The following JAG2 variants were observed in gnomAD, a reference collection of about 807,000 sequenced individuals.
The protein encoded by JAG2 is jagged canonical Notch ligand 2.
Under a neutral mutation model 141.7 loss-of-function variants are expected in JAG2, and 46 were observed. The observed-to-expected ratio is 0.32, with a 90% CI of 0.26 to 0.42. JAG2 has a LOEUF of 0.42. Ranked by LOEUF, JAG2 falls within the 10% of genes least tolerant of loss-of-function variation. The probability of loss-of-function intolerance (pLI) is 1.00; values close to 1 mark genes in which losing one functional copy is unlikely to be tolerated. For missense variants in JAG2, 1,500 were observed against 1,817.5 expected, an observed-to-expected ratio of 0.83 and a Z score of 3.18; for synonymous variants, 862 against 763.5, an observed-to-expected ratio of 1.13 and a Z score of -2.13.
At chr14:105,150,824 C>A in intron 11 of JAG2, 41 bp downstream of exon 11, 1 of 1,572,748 alleles carries the variant, frequency 6.4e-7, no homozygotes, top group Non-Finnish European at 8.6e-7. Context: ...CCTGACGGCC[C>A]CGCAGCACCC....
intron 9 of JAG2, 30 bp downstream of exon 9, chr14:105,151,253 C>T (rs779454686): frequency 3.8e-5 from 61 of 1,593,164 alleles, no homozygotes; most frequent in South Asian, 1.0e-4. Context: ...GCGCGGCCCA[C>T]GTTCCCATGC....
chr14:105,161,099 C>T (rs587677015), intron 2 of JAG2, among the ~76,000 whole-genome samples: 4 of 136,706 alleles, frequency 2.9e-5, no homozygotes, highest in African/African-American at 1.1e-4. Context: ...GAGGTCTGTT[C>T]GGGTGTTGGG....
intron 2 of JAG2, among the ~76,000 whole-genome samples, chr14:105,161,153 G>T (rs587644290): frequency 5.6e-5 from 8 of 142,974 alleles, no homozygotes; most frequent in African/African-American, 1.5e-4. Flanking sequence ...GGTCTGTTGG[G>T]GGTCTGAGTG....
chr14:105,157,534 C>T (rs889462424), intron 3 of JAG2, among the ~76,000 whole-genome samples, 172 bp downstream of exon 3: 1 of 152,204 alleles, frequency 6.6e-6, no homozygotes, highest in African/African-American at 2.4e-5. Flanking sequence ...ATGCACAGCT[C>T]TGCAAGTCCC....
chr14:105,149,311 C>G lies in JAG2; in HGVS notation c.1612G>C (p.Asp538His), dbSNP rs9972231. 1.2e-5 allele frequency: 20 copies of G among 1,612,570 alleles called. No individual in the cohort carries two copies. The highest frequency in any genetic ancestry group is 1.4e-5 in the Non-Finnish European group (17 of 1,179,950). ...FSGPLCEVDV[D>H]LCEPSPCRNG... ...CGGCAGGGGCTTGGCTCACAAAGGT[C>G]GACATCCACCTGCAGGGTGGGGGGT... Residue 538 changes from aspartate to histidine, a missense_variant, in exon 13 of 26, where the codon GAC (aspartate) becomes CAC (histidine). By Grantham distance (81) the Asp-to-His change is moderately conservative (BLOSUM62 -1). Coordinates refer to ENST00000331782, the MANE Select transcript of JAG2 (RefSeq NM_002226.5).
chr14:105,158,664 A>G (rs1418314115), intron 2 of JAG2, among the ~76,000 whole-genome samples: 1 of 151,566 alleles, frequency 6.6e-6, no homozygotes, highest in Admixed American at 6.6e-5. Flanking sequence ...CACATTCCAC[A>G]GCCTCTCAGC....
At chr14:105,151,845 C>T in intron 7 of JAG2, 93 bp downstream of exon 7, 1 of 1,606,906 alleles carries the variant, frequency 6.2e-7, no homozygotes, top group Non-Finnish European at 8.5e-7. Flanking sequence ...CAGGGGCCCA[C>T]CACACAGGAC....
At chr14:105,161,138 AG>A (rs975019351) in intron 2 of JAG2, among the ~76,000 whole-genome samples, 2 of 108,638 alleles carry the variant, frequency 1.8e-5, no homozygotes, top group Admixed American at 1.2e-4. Context: ...TGGGGGTCTG[AG>A]TGAGGTCTGT....
In JAG2 at chr14:105,145,768, C is replaced by T. The variant is rs372934981; in HGVS notation, c.2915G>A (p.Arg972His). The T allele has an allele frequency of 2.2e-5, 35 of 1,588,934 alleles. No homozygotes were observed. Among genetic ancestry groups the T allele is most frequent in the African/African-American group, 4.0e-5 (3 of 74,246 alleles). The change falls in exon 23 of 26, where the codon CGC (arginine) becomes CAC (histidine). Residue 972 changes from arginine (R) to histidine (H), a missense_variant. By Grantham distance (29) the Arg-to-His change is conservative. This residue lies in a region of JAG2 where 425 missense variants were observed against 441.0 expected (regional missense o/e 0.96). Transcript: ENST00000331782. ...GTCACGGTTGAAATGCAAGGTGAGGCGGGCACAGTTATTGTCCAGGTGGCC... is the reference window on the plus strand; with the variant it reads ...GTCACGGTTGAAATGCAAGGTGAGGTGGGCACAGTTATTGTCCAGGTGGCC... Reference protein sequence around the residue: ...RSGHLDNNCARLTLHFNRDHV... With the variant: ...RSGHLDNNCAHLTLHFNRDHV...
chr14:105,152,469 C>T (rs1189537880), intron 5 of JAG2, among the ~76,000 whole-genome samples, 178 bp from the exon 6 acceptor site: 3 of 152,200 alleles, frequency 2.0e-5, no homozygotes, highest in East Asian at 1.9e-4. Flanking sequence ...CCCACTGTCA[C>T]GGGCATTCCC....
In JAG2 at chr14:105,154,180, C is replaced by T. The variant is rs1041241247; in HGVS notation, c.788+1382G>A. Among the ~76,000 whole-genome samples the T allele has an allele frequency of 3.9e-5, 6 of 152,194 alleles. No individual in the cohort carries two copies. Among genetic ancestry groups the T allele is most frequent in the Admixed American group, 6.5e-5 (1 of 15,284 alleles). Reference sequence around the variant, plus strand: ...CAGCTGGTTCCCAAACTCCCCGACTCCTCTCCAAAACGCCACGCTGTGTGA... The same window carrying T: ...CAGCTGGTTCCCAAACTCCCCGACTTCTCTCCAAAACGCCACGCTGTGTGA... On this transcript the variant is annotated intron_variant, in intron 5 of 25. Coordinates refer to ENST00000331782, the MANE Select transcript of JAG2 (RefSeq NM_002226.5). The surrounding 1 kb of genome is among the most constrained non-coding windows in gnomAD (Gnocchi z 4.4).
At chr14:105,148,623 C>A (rs930378693) in intron 15 of JAG2, 122 bp downstream of exon 15, 18 of 999,068 alleles carry the variant, frequency 1.8e-5, no homozygotes, top group Non-Finnish European at 2.5e-5. Context: ...GTGGCAGCAC[C>A]CCCTGGCCAG....
intron 13 of JAG2, 39 bp from the exon 14 acceptor site, chr14:105,149,128 T>TGG: frequency 1.1e-6 from 1 of 871,604 alleles, no homozygotes; most frequent in Non-Finnish European, 1.6e-6. Context: ...GGCCCGCCCC[T>TGG]GCCCCACCAC....
Position 105,152,139 on chromosome 14 carries a change from G to A in JAG2, c.919+22C>T, listed in dbSNP as rs371553658. 3.1e-6 allele frequency: 5 copies of A among 1,613,468 alleles called. No homozygotes were observed. In the African/African-American group the frequency reaches 6.7e-5, roughly 22 times the overall value. On this transcript the variant is annotated intron_variant, in intron 6 of 25. Transcript: ENST00000331782. ...CCACACTTCGATGGCAGAGCATTAGGCCTGCCGCCCCCTACCACTACCTTT... is the reference window on the plus strand; with the variant it reads ...CCACACTTCGATGGCAGAGCATTAGACCTGCCGCCCCCTACCACTACCTTT...
Position 105,147,872 on chromosome 14 carries a change from G to A in JAG2, c.2265C>T (p.Cys755=). The part of the protein sequence containing the change: ...STCAVAKNSS[C]LPNPCVNGGT... ...CACCATTCACACAGGGGTTGGGCAG[G>A]CAGCTGCTGTTCTTGGCTGTAAGGA... The change falls in exon 18 of 26, where the codon TGC becomes TGT. Residue 755 remains cysteine, a synonymous_variant. Transcript: ENST00000331782. 1 of 1,552,674 alleles carries A rather than the reference G, an allele frequency of 6.4e-7. No individual in the cohort carries two copies. Among genetic ancestry groups the A allele is most frequent in the Non-Finnish European group, 8.7e-7 (1 of 1,149,598 alleles).
At chr14:105,162,062 C>T (rs751967176) in intron 2 of JAG2, among the ~76,000 whole-genome samples, 5 of 152,114 alleles carry the variant, frequency 3.3e-5, no homozygotes, top group Non-Finnish European at 7.4e-5. Flanking sequence ...GTGGGCCTGG[C>T]GCTGGCAGGG....
chr14:105,166,964 G>C (rs1004822341), intron 2 of JAG2, among the ~76,000 whole-genome samples: 1 of 152,158 alleles, frequency 6.6e-6, no homozygotes, highest in African/African-American at 2.4e-5. Context: ...GCCTGGGCCT[G>C]CCCACCTACC....
intron 15 of JAG2, 112 bp downstream of exon 15, chr14:105,148,633 G>A: frequency 9.4e-7 from 1 of 1,062,838 alleles, no homozygotes; most frequent in Admixed American, 2.0e-5. Context: ...CCCCTGGCCA[G>A]GCCTTTCTGG....
intron 5 of JAG2, among the ~76,000 whole-genome samples, chr14:105,155,041 A>G (rs2140984177): frequency 1.1e-5 from 1 of 92,384 alleles, no homozygotes; most frequent in East Asian, 4.0e-4. Flanking sequence ...TCCCCCTCAC[A>G]GCCTCCCGTC....
Sources: allele counts gnomAD v4.1 joint callset (sites outside exome capture counted in the v4.1 genomes callset), GRCh38; gene constraint gnomAD v4.1.1; regional missense constraint gnomAD v4.1.1; non-coding constraint Gnocchi (gnomAD v3.1); transcripts MANE v1.5; gene names NCBI Gene and HGNC (gene_info 2026-07-23, HGNC 2026-07-21).